PRKN: variants seen among roughly 807,000 people sequenced by gnomAD.
PRKN encodes the protein parkin RBR E3 ubiquitin protein ligase.
In PRKN, 56 loss-of-function variants were observed where a neutral mutation model predicts 59.5. The observed-to-expected ratio is 0.94, with a 90% confidence interval of 0.76 to 1.18. The LOEUF is 1.18. Ranked by LOEUF, PRKN falls within the 50% of genes most tolerant of loss-of-function variation. The pLI is 0.00. For synonymous variants in PRKN, 250 were observed against 222.1 expected, an observed-to-expected ratio of 1.13 and a Z score of -1.12; for missense variants, 657 against 596.4, an observed-to-expected ratio of 1.10 and a Z score of -1.06.
At chr6:161,996,977 C>T (rs952830688) in intron 5 of PRKN, among the ~76,000 whole-genome samples, 14 of 152,204 alleles carry the variant, frequency 9.2e-5, no homozygotes, top group African/African-American at 2.6e-4. Context: ...TAGCTCACAA[C>T]TGAAATGACC....
chr6:162,609,924 TA>T (rs1043993806), intron 1 of PRKN, among the ~76,000 whole-genome samples: 2 of 152,112 alleles, frequency 1.3e-5, no homozygotes, highest in African/African-American at 4.8e-5. Flanking sequence ...AAAACAACAT[TA>T]GGGCGATTAT....
At chr6:161,418,077 C>A (rs960622693) in intron 9 of PRKN, among the ~76,000 whole-genome samples, 2 of 152,202 alleles carry the variant, frequency 1.3e-5, no homozygotes, top group African/African-American at 4.8e-5. Context: ...TTTTCAGCTG[C>A]TTATTCTCAC....
intron 2 of PRKN, among the ~76,000 whole-genome samples, chr6:162,395,074 A>G (rs1311490405): frequency 1.3e-5 from 2 of 152,066 alleles, no homozygotes; most frequent in African/African-American, 4.8e-5. Flanking sequence ...CAATCAACTC[A>G]CCTATGTAAC....
intron 4 of PRKN, among the ~76,000 whole-genome samples, chr6:162,176,428 G>C (rs1310969213): frequency 6.6e-6 from 1 of 152,104 alleles, no homozygotes; most frequent in Non-Finnish European, 1.5e-5. Context: ...GTAAATCTAG[G>C]ACTATATGGT....
intron 2 of PRKN, among the ~76,000 whole-genome samples, chr6:162,310,139 G>C (rs1250326930): frequency 6.6e-6 from 1 of 152,134 alleles, no homozygotes. Context: ...GACAAAGAGA[G>C]AGTAATGAAA....
intron 1 of PRKN, among the ~76,000 whole-genome samples, chr6:162,454,245 T>G (rs996404993): frequency 3.3e-5 from 5 of 152,218 alleles, no homozygotes; most frequent in African/African-American, 1.2e-4. Context: ...TATTAATGTT[T>G]GGTTTTAAAA....
chr6:161,912,480 C>T (rs545625718), intron 6 of PRKN, among the ~76,000 whole-genome samples: 5 of 151,678 alleles, frequency 3.3e-5, no homozygotes, highest in African/African-American at 1.2e-4. Flanking sequence ...GTGACGGACG[C>T]TTCAGAACTT....
intron 3 of PRKN, among the ~76,000 whole-genome samples, chr6:162,218,353 C>T (rs571746542): frequency 3.4e-4 from 51 of 152,158 alleles, no homozygotes; most frequent in African/African-American, 1.1e-3. Flanking sequence ...AGGAGGCTGT[C>T]GTGACTCGTT....
chr6:161,647,841 A>G (rs962444228), intron 7 of PRKN, among the ~76,000 whole-genome samples: 4 of 110,062 alleles, frequency 3.6e-5, no homozygotes, highest in African/African-American at 2.6e-4. Flanking sequence ...ATCCTTTCAG[A>G]TAATTTATTA....
At chr6:161,687,645 C>T (rs6919477) in intron 7 of PRKN, among the ~76,000 whole-genome samples, 23 of 151,256 alleles carry the variant, frequency 1.5e-4, no homozygotes, top group East Asian at 1.0e-3. Context: ...TTAATAGAGA[C>T]GGGGTGTCAC....
At chr6:162,273,784 A>G (rs529529645) in intron 2 of PRKN, among the ~76,000 whole-genome samples, 1 of 152,332 alleles carries the variant, frequency 6.6e-6, no homozygotes, top group African/African-American at 2.4e-5. Flanking sequence ...ATGTATATCT[A>G]TTCATCACCT....
At position 161,361,344 on chromosome 6, in the gene PRKN, A is replaced by G. The variant is rs752305435; in HGVS notation, c.1168-1139T>C. Among the ~76,000 whole-genome samples the G allele has an allele frequency of 1.3e-5, 2 of 152,168 alleles. No individual in the cohort carries two copies. Among genetic ancestry groups the G allele is most frequent in the Non-Finnish European group, 2.9e-5 (2 of 68,024 alleles). ...TTTCTGTTATTTCTGTGGAAAGTCAATTCTTCCAGAGCCAAGATCACATTT... is the reference window on the plus strand; with the variant it reads ...TTTCTGTTATTTCTGTGGAAAGTCAGTTCTTCCAGAGCCAAGATCACATTT... On this transcript the variant is annotated intron_variant, in intron 10 of 11. Transcript: ENST00000366898. The surrounding 1 kb of genome is among the most constrained non-coding windows in gnomAD (Gnocchi z 5.2).
chr6:162,303,575 T>C (rs895623484), intron 2 of PRKN, among the ~76,000 whole-genome samples: 10 of 151,900 alleles, frequency 6.6e-5, no homozygotes, highest in East Asian at 3.9e-4. Flanking sequence ...TGCTTTTTCA[T>C]TGGAAATTGG....
Position 161,561,076 on chromosome 6 carries a change from T to C in PRKN, c.933+8279A>G, listed in dbSNP as rs112647127. ...CATTTACAACTTCCTCAAGATTGTATTGTGTTTCTCCAGTGACATGTTCTC... is the reference window on the plus strand; with the variant it reads ...CATTTACAACTTCCTCAAGATTGTACTGTGTTTCTCCAGTGACATGTTCTC... On this transcript the variant is annotated intron_variant, in intron 8 of 11. Transcript: ENST00000366898. This position sits in a 1 kb window ranked among gnomAD's most constrained non-coding sequence, Gnocchi z 5.0. Among the ~76,000 whole-genome samples, 1,659 of 152,316 alleles carry C rather than the reference T, an allele frequency of 0.011. 26 individuals are homozygous for C. The highest frequency in any genetic ancestry group is 0.038 in the African/African-American group (1,567 of 41,584).
chr6:162,141,918 G>T (rs570623882), intron 4 of PRKN, among the ~76,000 whole-genome samples: 3 of 152,244 alleles, frequency 2.0e-5, no homozygotes, highest in Non-Finnish European at 4.4e-5. Context: ...TGAAAATAGC[G>T]CACTCAGGCA....
At chr6:161,860,612 T>C (rs985909602) in intron 6 of PRKN, among the ~76,000 whole-genome samples, 4 of 152,174 alleles carry the variant, frequency 2.6e-5, no homozygotes, top group African/African-American at 9.7e-5. Context: ...TCTTGTAAAT[T>C]TGTTGAAGTT....
At chr6:162,563,127 C>T (rs1239182596) in intron 1 of PRKN, among the ~76,000 whole-genome samples, 1 of 152,098 alleles carries the variant, frequency 6.6e-6, no homozygotes, top group East Asian at 1.9e-4. Context: ...GCAGTGAAAC[C>T]CTGTCTTTAC....
At chr6:162,252,006 G>A (rs1779455925) in intron 3 of PRKN, among the ~76,000 whole-genome samples, 1 of 152,136 alleles carries the variant, frequency 6.6e-6, no homozygotes, top group Admixed American at 6.6e-5. Flanking sequence ...AAATGACTAA[G>A]TCAAAAGGTC....
chr6:161,573,009 T>C (rs926245585), intron 7 of PRKN, among the ~76,000 whole-genome samples: 2 of 152,162 alleles, frequency 1.3e-5, no homozygotes, highest in African/African-American at 4.8e-5. Context: ...TGGGAGCAAG[T>C]CATCATAGTT....
Sources: gnomAD v4.1 joint callset for allele counts (sites outside exome capture counted in the v4.1 genomes callset) on GRCh38, gnomAD v4.1.1 for gene constraint, Gnocchi (gnomAD v3.1) non-coding constraint, MANE v1.5 for transcripts, NCBI Gene and HGNC (gene_info 2026-07-23, HGNC 2026-07-21) for gene names.